CHSY1: variants seen among roughly 807,000 people sequenced by gnomAD.
CHSY1 encodes the protein chondroitin sulfate synthase 1, also known as N-acetylgalactosaminyl-proteoglycan 3-beta-glucuronosyltransferase 1.
A neutral mutation model predicts 59.8 loss-of-function variants in CHSY1; 13 were observed. The ratio of observed to expected loss-of-function variants is 0.22; its 90% CI spans 0.14 to 0.35. The LOEUF is 0.35. Among genes scored for constraint, CHSY1 ranks in the 10% least tolerant of loss-of-function variants. The probability of loss-of-function intolerance (pLI) is 1.00; values close to 1 mark genes in which losing one functional copy is unlikely to be tolerated. For missense variants in CHSY1, 947 were observed against 1,030.6 expected (o/e 0.92, Z 1.11); for synonymous variants, 459 against 401.2 (o/e 1.14, Z -1.72).
chr15:101,194,759 C>T (rs1046553620), intron 2 of CHSY1, among the ~76,000 whole-genome samples: 2 of 152,170 alleles, frequency 1.3e-5, no homozygotes, highest in Non-Finnish European at 2.9e-5. Context: ...AATTAAATCA[C>T]AAACCCTGAC....
At chr15:101,214,523 A>G (rs1177198615) in intron 2 of CHSY1, among the ~76,000 whole-genome samples, 2 of 152,242 alleles carry the variant, frequency 1.3e-5, no homozygotes, top group African/African-American at 4.8e-5. Flanking sequence ...AGATGCTTAC[A>G]TACTTTGGTA....
At chr15:101,222,823 G>A (rs2038803488) in intron 2 of CHSY1, among the ~76,000 whole-genome samples, 1 of 152,152 alleles carries the variant, frequency 6.6e-6, no homozygotes, top group Non-Finnish European at 1.5e-5. Context: ...ACCCACTCCT[G>A]TGATGTCAAG....
chr15:101,238,771 C>T (rs1463290017), intron 1 of CHSY1, among the ~76,000 whole-genome samples: 1 of 152,192 alleles, frequency 6.6e-6, no homozygotes, highest in African/African-American at 2.4e-5. Context: ...TCAGCCCAGA[C>T]ATTCATTCCA....
intron 2 of CHSY1, among the ~76,000 whole-genome samples, chr15:101,200,823 T>C (rs2141253733): frequency 6.6e-6 from 1 of 152,294 alleles, no homozygotes; most frequent in South Asian, 2.1e-4. Flanking sequence ...TTGCTGGGAA[T>C]AATTCGACCC....
intron 2 of CHSY1, among the ~76,000 whole-genome samples, chr15:101,227,740 C>T (rs1288511177): frequency 6.6e-6 from 1 of 152,174 alleles, no homozygotes; most frequent in Non-Finnish European, 1.5e-5. Flanking sequence ...AACAGGTATA[C>T]AAGAGACCCT....
intron 2 of CHSY1, among the ~76,000 whole-genome samples, chr15:101,189,095 C>T (rs2038409746): frequency 6.6e-6 from 1 of 152,224 alleles, no homozygotes; most frequent in Admixed American, 6.5e-5. Context: ...CAGTGAAAGC[C>T]CAAATGTCAC....
chr15:101,204,407 C>T (rs2038603524), intron 2 of CHSY1, among the ~76,000 whole-genome samples: 1 of 150,382 alleles, frequency 6.6e-6, no homozygotes, highest in Non-Finnish European at 1.5e-5. Flanking sequence ...GCACTCTAGA[C>T]TGGGCAGTAA....
At chr15:101,212,858 C>T (rs2038695738) in intron 2 of CHSY1, among the ~76,000 whole-genome samples, 1 of 152,054 alleles carries the variant, frequency 6.6e-6, no homozygotes, top group South Asian at 2.1e-4. Flanking sequence ...CTCTGAAATG[C>T]ATCAAAATAT....
chr15:101,225,660 T>C (rs2038834149), intron 2 of CHSY1, among the ~76,000 whole-genome samples: 1 of 152,170 alleles, frequency 6.6e-6, no homozygotes, highest in Non-Finnish European at 1.5e-5. Context: ...CCGCTTTGCC[T>C]TCCACCATGA....
At chr15:101,222,270 C>T (rs1202305230) in intron 2 of CHSY1, among the ~76,000 whole-genome samples, 1 of 152,188 alleles carries the variant, frequency 6.6e-6, no homozygotes, top group East Asian at 1.9e-4. Context: ...ATGGAGAAGC[C>T]ATCAGGATAC....
Position 101,176,191 on chromosome 15 carries a change from T to A in CHSY1, c.*1197A>T, listed in dbSNP as rs1209542696. 42 of 398,500 alleles carry A rather than the reference T, an allele frequency of 1.1e-4. No homozygotes were observed. The Admixed American group carries it at 1.6e-3, about 15-fold the overall frequency. The allele number at this position is 398,500 out of a possible 1,614,324, so 24.7% of individuals were successfully genotyped here. On this transcript the variant is annotated 3_prime_UTR_variant, in exon 3 of 3. Coordinates refer to ENST00000254190, the MANE Select transcript of CHSY1 (RefSeq NM_014918.5). ...CACATAAATAATACTAACTAACAGG[T>A]ACTCAAGAAATGGCAGAGCTCTGAA... is the stretch of plus-strand genomic sequence containing the variant.
At chr15:101,203,613 A>G (rs1404187074) in intron 2 of CHSY1, among the ~76,000 whole-genome samples, 2 of 152,216 alleles carry the variant, frequency 1.3e-5, no homozygotes, top group Admixed American at 6.5e-5. Flanking sequence ...TATTTATTAA[A>G]TAACAAAGGC....
At chr15:101,221,916 G>A (rs904558681) in intron 2 of CHSY1, among the ~76,000 whole-genome samples, 1 of 152,008 alleles carries the variant, frequency 6.6e-6, no homozygotes, top group Non-Finnish European at 1.5e-5. Context: ...AGAGTTCAAT[G>A]AGAGAAAACA....
At chr15:101,204,351 T>C (rs1475490715) in intron 2 of CHSY1, among the ~76,000 whole-genome samples, 2 of 151,636 alleles carry the variant, frequency 1.3e-5, no homozygotes, top group Admixed American at 6.6e-5. Flanking sequence ...GGAGAATCAC[T>C]TGAACCCGGG....
intron 1 of CHSY1, among the ~76,000 whole-genome samples, 161 bp from the exon 2 acceptor site, chr15:101,235,738 T>C (rs1029933453): frequency 6.6e-6 from 1 of 152,130 alleles, no homozygotes; most frequent in South Asian, 2.1e-4. Context: ...TACCGCGTAT[T>C]GCAAAGTCTA....
rs79715969 is a variant in CHSY1, at chr15:101,198,840, C to T, written c.817-19860G>A. 4.2e-3 allele frequency among the ~76,000 whole-genome samples: 642 copies of T among 152,292 alleles called. 5 individuals are homozygous for T. Among genetic ancestry groups the T allele is most frequent in the East Asian group, 0.029 (151 of 5,190 alleles). ...TTTGCATTACAGTGGCTAAGCTGAG[C>T]AGCTGGGAGCGAGATCCCACGGCCT... On this transcript the variant is annotated intron_variant, in intron 2 of 2. Coordinates refer to ENST00000254190, the MANE Select transcript of CHSY1 (RefSeq NM_014918.5).
In CHSY1 at chr15:101,251,191, A is replaced by G; in HGVS notation, c.266T>C (p.Val89Ala). Residue 89 changes from valine to alanine, a missense_variant, in exon 1 of 3, where the codon GTG becomes GCG. Val to Ala is a moderately conservative substitution (Grantham distance 64, BLOSUM62 0). Around this residue, in one of 4 missense-constraint regions of CHSY1, gnomAD observed 232 missense variants for 188.5 expected, o/e 1.23. Transcript: ENST00000254190. ...GTATTTCTGGGCGGTCATGACTCCC[A>G]CGAAGAGAAAGTTCCTGTCGCGCGG... ...GGPRDRNFLF[V>A]GVMTAQKYLQ... is the part of the protein sequence containing the mutation. The G allele has an allele frequency of 6.2e-7, 1 of 1,600,612 alleles. No homozygotes were observed. The highest frequency in any genetic ancestry group is 8.5e-7 in the Non-Finnish European group (1 of 1,176,720).
chr15:101,206,903 AT>A (rs1166050844), intron 2 of CHSY1, among the ~76,000 whole-genome samples: 1 of 152,252 alleles, frequency 6.6e-6, no homozygotes, highest in Non-Finnish European at 1.5e-5. Flanking sequence ...TGTTTATCTC[AT>A]AAAAAAAGTC....
intron 2 of CHSY1, among the ~76,000 whole-genome samples, 166 bp from the exon 3 acceptor site, chr15:101,179,146 C>T (rs2038240869): frequency 6.6e-6 from 1 of 152,200 alleles, no homozygotes; most frequent in African/African-American, 2.4e-5. Flanking sequence ...TAGAAGAATT[C>T]ACAGATAGAA....
Sources: gnomAD v4.1 joint callset for allele counts (sites outside exome capture counted in the v4.1 genomes callset) on GRCh38, gnomAD v4.1.1 for gene constraint, gnomAD v4.1.1 regional missense constraint, MANE v1.5 for transcripts, NCBI Gene and HGNC (gene_info 2026-07-23, HGNC 2026-07-21) for gene names.